FBN2: variants seen among roughly 807,000 people sequenced by gnomAD.
FBN2 encodes fibrillin 2.
Under a neutral mutation model 355.6 loss-of-function variants are expected in FBN2, and 105 were observed. The ratio of observed to expected loss-of-function variants is 0.30; its 90% CI spans 0.25 to 0.35. The LOEUF is 0.35. Ranked by LOEUF, FBN2 falls within the 10% of genes least tolerant of loss-of-function variation. The pLI, the probability that FBN2 is intolerant of heterozygous loss-of-function variation, is 1.00. For missense variants in FBN2, 3,280 were observed against 3,758.7 expected (o/e 0.87, Z 3.33); for synonymous variants, 1,350 against 1,301.2 (o/e 1.04, Z -0.81).
At chr5:128,298,727 T>A (rs938872198) in intron 48 of FBN2, among the ~76,000 whole-genome samples, 1 of 152,206 alleles carries the variant, frequency 6.6e-6, no homozygotes, top group Non-Finnish European at 1.5e-5. Flanking sequence ...TTATTCTAGT[T>A]ATACATTCAT....
At position 128,338,119 on chromosome 5, in the gene FBN2, A is replaced by G. The variant is rs755716616; in HGVS notation, c.3476T>C (p.Ile1159Thr). ...GFMMMKNCMDIDECERNPLLC... is the reference protein window; with the variant it reads ...GFMMMKNCMDTDECERNPLLC... ...GAGAGGGTTACGTTCACATTCGTCA[A>G]TGTCTGAAAGGTAAAAACGTGAGAT... The change falls in exon 27 of 65, where the codon ATT (isoleucine) becomes ACT (threonine). Residue 1159 changes from isoleucine to threonine, a missense_variant. Coordinates refer to ENST00000262464, the MANE Select transcript of FBN2 (RefSeq NM_001999.4). The G allele has an allele frequency of 1.3e-5, 21 of 1,613,896 alleles. No homozygotes were observed. In the South Asian group the frequency reaches 1.5e-4, roughly 12 times the overall value.
intron 5 of FBN2, among the ~76,000 whole-genome samples, chr5:128,485,535 T>A (rs1219072208): frequency 6.6e-6 from 1 of 151,662 alleles, no homozygotes; most frequent in African/African-American, 2.4e-5. Context: ...TCAAACTCAA[T>A]GTTGAATGAA....
intron 58 of FBN2, among the ~76,000 whole-genome samples, chr5:128,276,490 G>A (rs1162649898): frequency 6.6e-6 from 1 of 152,150 alleles, no homozygotes; most frequent in Non-Finnish European, 1.5e-5. Context: ...ACCCATGGAT[G>A]TGGCACAAGT....
At chr5:128,355,782 T>C (rs1352655435) in intron 20 of FBN2, among the ~76,000 whole-genome samples, 2 of 152,242 alleles carry the variant, frequency 1.3e-5, no homozygotes, top group African/African-American at 4.8e-5. Context: ...TACACTGGGA[T>C]ATTCAAATTT....
At chr5:128,525,887 A>G (rs1156999161) in intron 4 of FBN2, among the ~76,000 whole-genome samples, 1 of 152,156 alleles carries the variant, frequency 6.6e-6, no homozygotes, top group African/African-American at 2.4e-5. Context: ...AAAGTATACA[A>G]TTTTGCTGAA....
chr5:128,322,677 G>A (rs577222108), intron 34 of FBN2, among the ~76,000 whole-genome samples: 1 of 152,274 alleles, frequency 6.6e-6, no homozygotes. Context: ...ATGCTGTTAT[G>A]GTTACTGTGG....
intron 6 of FBN2, among the ~76,000 whole-genome samples, chr5:128,461,918 C>T (rs1754569429): frequency 6.6e-6 from 1 of 152,070 alleles, no homozygotes; most frequent in South Asian, 2.1e-4. Context: ...TACACATATA[C>T]TCCTGTAACA....
intron 15 of FBN2, among the ~76,000 whole-genome samples, chr5:128,373,434 T>C (rs1411934200): frequency 6.6e-6 from 1 of 152,198 alleles, no homozygotes; most frequent in African/African-American, 2.4e-5. Flanking sequence ...GTGGATAAAT[T>C]TGAGTGAACA....
At chr5:128,442,071 G>C (rs577666120) in intron 7 of FBN2, 6 of 301,896 alleles carry the variant, frequency 2.0e-5, no homozygotes, top group African/African-American at 8.9e-5. Flanking sequence ...AGAGGAGACT[G>C]TGCCAACAAC....
At chr5:128,313,530 C>A (rs138869125) in intron 36 of FBN2, among the ~76,000 whole-genome samples, 1 of 152,064 alleles carries the variant, frequency 6.6e-6, no homozygotes, top group African/African-American at 2.4e-5. Flanking sequence ...AAAGGAAATT[C>A]ACTTTTTTTT....
At chr5:128,484,979 A>C (rs1169745662) in intron 5 of FBN2, among the ~76,000 whole-genome samples, 2 of 152,156 alleles carry the variant, frequency 1.3e-5, no homozygotes, top group Non-Finnish European at 2.9e-5. Context: ...TGGCACATTC[A>C]ATTCTAGATG....
chr5:128,439,077 C>A (rs569534263), intron 7 of FBN2, among the ~76,000 whole-genome samples: 6 of 152,236 alleles, frequency 3.9e-5, no homozygotes, highest in African/African-American at 1.4e-4. Flanking sequence ...TATAAAGTGT[C>A]TGCTATCTTT....
chr5:128,537,156 C>G (rs977457322), intron 1 of FBN2, among the ~76,000 whole-genome samples, 194 bp downstream of exon 1: 4 of 152,138 alleles, frequency 2.6e-5, no homozygotes, highest in African/African-American at 9.7e-5. Flanking sequence ...GGGCTTTCCG[C>G]CCGCTGAGCT....
chr5:128,432,319 G>T (rs979204187), intron 7 of FBN2, among the ~76,000 whole-genome samples: 4 of 152,102 alleles, frequency 2.6e-5, no homozygotes, highest in African/African-American at 9.7e-5. Context: ...CAACTAGCCA[G>T]TCACTAAGAA....
Position 128,344,475 on chromosome 5 carries a change from T to G in FBN2, c.3253A>C (p.Thr1085Pro), listed in dbSNP as rs863223562. ...ATTGTATTTCTGCACTTCCCATAAG[T>G]GCACATCCCAGGAAATGCTTTGCAT... ...NECKAFPGMC[T>P]YGKCRNTIGS... The change falls in exon 25 of 65, where the codon ACT becomes CCT. Residue 1085 changes from threonine (T) to proline (P), a missense_variant. Physicochemically the swap from Thr to Pro is conservative, Grantham distance 38 (BLOSUM62 -1). This residue lies in a region of FBN2 where 2,284 missense variants were observed against 2,749.5 expected (regional missense o/e 0.83). Coordinates refer to ENST00000262464, the MANE Select transcript of FBN2 (RefSeq NM_001999.4). 5 of 1,613,430 alleles carry G rather than the reference T, an allele frequency of 3.1e-6. No individual in the cohort carries two copies. The highest frequency in any genetic ancestry group is 4.2e-6 in the Non-Finnish European group (5 of 1,179,494).
At chr5:128,348,689 AT>A (rs1386195129) in intron 23 of FBN2, among the ~76,000 whole-genome samples, 2 of 152,152 alleles carry the variant, frequency 1.3e-5, no homozygotes, top group African/African-American at 2.4e-5. Flanking sequence ...GGGAAAAAAA[AT>A]CTCTGTAGGT....
intron 36 of FBN2, among the ~76,000 whole-genome samples, chr5:128,313,891 G>A (rs957313386): frequency 7.0e-6 from 1 of 143,184 alleles, no homozygotes; most frequent in Non-Finnish European, 1.5e-5. Context: ...TCTGGAATCT[G>A]TCTACTTACC....
At chr5:128,483,996 G>T (rs1200387553) in intron 5 of FBN2, among the ~76,000 whole-genome samples, 4 of 152,152 alleles carry the variant, frequency 2.6e-5, no homozygotes, top group African/African-American at 9.7e-5. Flanking sequence ...GGATTGGGCT[G>T]CCTAATATAC....
chr5:128,435,257 C>T (rs1291340745), intron 7 of FBN2, among the ~76,000 whole-genome samples: 3 of 152,134 alleles, frequency 2.0e-5, no homozygotes, highest in Admixed American at 2.0e-4. Flanking sequence ...CCTAGTTCCA[C>T]ATTTTCTCAT....
Sources: gnomAD v4.1 joint callset for allele counts (sites outside exome capture counted in the v4.1 genomes callset) on GRCh38, gnomAD v4.1.1 for gene constraint, gnomAD v4.1.1 regional missense constraint, MANE v1.5 for transcripts, NCBI Gene and HGNC (gene_info 2026-07-23, HGNC 2026-07-21) for gene names.